The following NUP98 variants were observed in gnomAD, a reference collection of about 807,000 sequenced individuals.
NUP98 encodes the protein nuclear pore complex protein Nup98-Nup96.
In NUP98, 26 loss-of-function variants were observed where a neutral mutation model predicts 191.9. That is an observed-to-expected ratio of 0.14 (90% confidence interval 0.10 to 0.19). NUP98 has a LOEUF of 0.19. Among genes scored for constraint, NUP98 ranks in the 10% least tolerant of loss-of-function variants. The probability of loss-of-function intolerance (pLI) is 1.00; values close to 1 mark genes in which losing one functional copy is unlikely to be tolerated. For missense variants in NUP98, 1,941 were observed against 2,178.8 expected (o/e 0.89, Z 2.17); for synonymous variants, 808 against 778.4 (o/e 1.04, Z -0.63).
intron 20 of NUP98, chr11:3,712,000 T>C: frequency 9.5e-7 from 1 of 1,048,510 alleles, no homozygotes; most frequent in Non-Finnish European, 1.2e-6. Context: ...CGATAAACAA[T>C]GTAGGCCCTA....
intron 9 of NUP98, 143 bp downstream of exon 9, chr11:3,762,759 T>C: frequency 1.3e-6 from 1 of 769,418 alleles, no homozygotes; most frequent in South Asian, 2.6e-5. Flanking sequence ...AAATAATTTT[T>C]TGTTCTCAGA....
intron 8 of NUP98, among the ~76,000 whole-genome samples, chr11:3,766,726 G>A (rs1429347306): frequency 1.3e-5 from 2 of 151,308 alleles, no homozygotes; most frequent in African/African-American, 4.9e-5. Flanking sequence ...AAGCCTGAGG[G>A]TCCTCCAACT....
intron 28 of NUP98, among the ~76,000 whole-genome samples, chr11:3,688,123 G>A (rs1435075175): frequency 6.6e-6 from 1 of 151,926 alleles, no homozygotes; most frequent in East Asian, 1.9e-4. Flanking sequence ...CAGTAAATTT[G>A]GCCGGGCACG....
intron 8 of NUP98, among the ~76,000 whole-genome samples, chr11:3,767,917 G>A (rs2134573324): frequency 6.6e-6 from 1 of 152,178 alleles, no homozygotes; most frequent in African/African-American, 2.4e-5. Context: ...AATATAGTCA[G>A]TAATGAATAA....
chr11:3,750,811 T>C (rs1191032154), intron 11 of NUP98, among the ~76,000 whole-genome samples: 1 of 151,968 alleles, frequency 6.6e-6, no homozygotes. Context: ...TCTATTTTAT[T>C]TTATTTTTTT....
intron 10 of NUP98, among the ~76,000 whole-genome samples, chr11:3,757,063 G>A (rs1354881381): frequency 5.3e-5 from 8 of 150,858 alleles, no homozygotes; most frequent in African/African-American, 1.9e-4. Flanking sequence ...ACTCCAGCCC[G>A]GGCGACAGAG....
intron 1 of NUP98, among the ~76,000 whole-genome samples, chr11:3,788,623 G>A (rs1403177658): frequency 2.0e-5 from 3 of 151,792 alleles, no homozygotes. Context: ...ATTTCTAAAA[G>A]TGAAAGGATA....
chr11:3,709,806 G>C (rs1196891514), intron 20 of NUP98, among the ~76,000 whole-genome samples: 1 of 80,710 alleles, frequency 1.2e-5, no homozygotes, highest in Admixed American at 1.4e-4. Context: ...TACACTCTGG[G>C]GACTGTTGTG....
chr11:3,676,446 G>A lies in NUP98; in HGVS notation c.5185+63C>T, dbSNP rs2077813100. 13 of 1,599,444 alleles carry A rather than the reference G, an allele frequency of 8.1e-6. No homozygotes were observed. In the Middle Eastern group the frequency reaches 1.3e-3, roughly 162 times the overall value. ...GAAGGGTGGTAGGCACTGAGGGTGGGGTGTAATAATCATAAAAACAGGAAG... is the reference window on the plus strand; with the variant it reads ...GAAGGGTGGTAGGCACTGAGGGTGGAGTGTAATAATCATAAAAACAGGAAG... On this transcript the variant is annotated intron_variant, in intron 32 of 32. Transcript: ENST00000324932.
chr11:3,726,439 C>A (rs555808021), intron 14 of NUP98, among the ~76,000 whole-genome samples: 25 of 150,080 alleles, frequency 1.7e-4, no homozygotes, highest in Admixed American at 4.7e-4. Context: ...ACTGGGAGAT[C>A]CCTGGTCAAA....
chr11:3,750,656 C>T (rs985378715), intron 11 of NUP98, among the ~76,000 whole-genome samples: 7 of 151,930 alleles, frequency 4.6e-5, no homozygotes, highest in African/African-American at 1.7e-4. Context: ...AGGACAGCGT[C>T]TCATTCTGTT....
chr11:3,783,840 T>A (rs2082054544), intron 1 of NUP98, among the ~76,000 whole-genome samples: 1 of 151,966 alleles, frequency 6.6e-6, no homozygotes, highest in South Asian at 2.1e-4. Context: ...TCCCCCTGTC[T>A]GAATAAGAAT....
Position 3,702,601 on chromosome 11 carries a change from G to A in NUP98, c.3374C>T (p.Ser1125Leu), listed in dbSNP as rs147248312. The A allele has an allele frequency of 1.3e-5, 21 of 1,614,024 alleles. No homozygotes were observed. Among genetic ancestry groups the A allele is most frequent in the Non-Finnish European group, 1.7e-5 (20 of 1,180,006 alleles). Residue 1125 changes from serine (S) to leucine (L), a missense_variant, in exon 23 of 33, where the codon TCA becomes TTA. Physicochemically the swap from Ser to Leu is moderately radical, Grantham distance 145. Around this residue, in one of 6 missense-constraint regions of NUP98, gnomAD observed 1,030 missense variants for 1,115.8 expected, o/e 0.92. Coordinates refer to ENST00000324932, the MANE Select transcript of NUP98 (RefSeq NM_016320.5). ...LMDMALFMGR[S>L]FRVGWGPNWT... ...GTTGGGGCCCCAACCAACACGAAAT[G>A]AGCGTCCCATGAATAGGGCCATGTC...
intron 25 of NUP98, among the ~76,000 whole-genome samples, chr11:3,698,343 T>C (rs2078575469): frequency 6.6e-6 from 1 of 152,206 alleles, no homozygotes; most frequent in Admixed American, 6.5e-5. Context: ...ATTGATAGCT[T>C]ATCTATGCTT....
At chr11:3,739,842 C>G (rs766237096) in intron 12 of NUP98, among the ~76,000 whole-genome samples, 3 of 152,162 alleles carry the variant, frequency 2.0e-5, no homozygotes, top group Non-Finnish European at 2.9e-5. Context: ...CAAGTTTGAA[C>G]TGTGTGGATC....
chr11:3,719,035 G>A (rs1453858300), intron 18 of NUP98, among the ~76,000 whole-genome samples: 1 of 151,736 alleles, frequency 6.6e-6, no homozygotes, highest in Admixed American at 6.6e-5. Flanking sequence ...CAGGAGAATC[G>A]CTTGAACCCG....
At chr11:3,796,095 G>A (rs947219123) in intron 1 of NUP98, among the ~76,000 whole-genome samples, 1 of 152,146 alleles carries the variant, frequency 6.6e-6, no homozygotes, top group African/African-American at 2.4e-5. Flanking sequence ...CAGTTAACTC[G>A]AGTTTCTTTT....
At chr11:3,796,779 G>A (rs571291144) in intron 1 of NUP98, among the ~76,000 whole-genome samples, 6 of 152,240 alleles carry the variant, frequency 3.9e-5, no homozygotes, top group Non-Finnish European at 7.4e-5. Flanking sequence ...TAAGGTAGGG[G>A]GATTGACTTA....
intron 5 of NUP98, 119 bp from the exon 6 acceptor site, chr11:3,773,858 T>C: frequency 1.7e-6 from 1 of 588,096 alleles, no homozygotes. Flanking sequence ...TATACTGAGA[T>C]GGTTTCAAGG....
Sources: gnomAD v4.1 joint callset for allele counts (sites outside exome capture counted in the v4.1 genomes callset) on GRCh38, gnomAD v4.1.1 for gene constraint, gnomAD v4.1.1 regional missense constraint, MANE v1.5 for transcripts, NCBI Gene and HGNC (gene_info 2026-07-23, HGNC 2026-07-21) for gene names.